Variants in GPR89B observed in about 807,000 individuals in gnomAD.
GPR89B encodes golgi pH regulator B.
In GPR89B, 25 loss-of-function variants were observed where a neutral mutation model predicts 52.4. The ratio of observed to expected loss-of-function variants is 0.48; its 90% CI spans 0.35 to 0.67. The LOEUF (loss-of-function observed/expected upper bound fraction) is 0.67. Among genes scored for constraint, GPR89B ranks in the 30% least tolerant of loss-of-function variants. The probability of loss-of-function intolerance (pLI) is 0.01; values close to 1 mark genes in which losing one functional copy is unlikely to be tolerated. For missense variants in GPR89B, 146 were observed against 450.2 expected, an observed-to-expected ratio of 0.32 and a Z score of 6.11; for synonymous variants, 52 against 151.2, an observed-to-expected ratio of 0.34 and a Z score of 4.81.
intron 12 of GPR89B, among the ~76,000 whole-genome samples, chr1:147,990,867 T>C (rs1299838911): frequency 6.6e-6 from 1 of 151,556 alleles, no homozygotes; most frequent in Non-Finnish European, 1.5e-5. Context: ...TAGTATAGCT[T>C]GAAGTCAGGT....
intron 10 of GPR89B, among the ~76,000 whole-genome samples, chr1:147,970,491 ATCTCTCTCTCTCTCTCTC>A (rs1174595676): frequency 5.7e-5 from 6 of 105,740 alleles, no homozygotes; most frequent in Non-Finnish European, 1.2e-4. Context: ...GTGAGACTCC[ATCTCTCTCTCTCTCTCTC>A]TCTCTCTCTC....
At position 147,968,893 on chromosome 1, in the gene GPR89B, A is replaced by C; in HGVS notation, c.746A>C (p.Gln249Pro). 6.2e-7 allele frequency: 1 copy of C among 1,611,708 alleles called. No homozygotes were observed. The highest frequency in any genetic ancestry group is 1.1e-5 in the South Asian group (1 of 90,982). Residue 249 changes from glutamine (Q) to proline (P), a missense_variant, in exon 9 of 14, where the codon CAG (glutamine) becomes CCG (proline). Gln to Pro is a moderately conservative substitution (Grantham distance 76). Transcript: ENST00000314163. Reference sequence around the variant, plus strand: ...GTGCCAGATCTTACTCTTATTCAACAGGAAGTGGATGCTTTGGAAGAATTA... The same window carrying C: ...GTGCCAGATCTTACTCTTATTCAACCGGAAGTGGATGCTTTGGAAGAATTA... Reference protein sequence around the residue: ...SGSENLTLIQQEVDALEELSR... With the variant: ...SGSENLTLIQPEVDALEELSR...
At chr1:147,986,378 A>G in intron 11 of GPR89B, 84 bp downstream of exon 11, 7 of 1,561,122 alleles carry the variant, frequency 4.5e-6, no homozygotes, top group Non-Finnish European at 6.1e-6. Context: ...TAATTTGTAT[A>G]CTTTAGGTAC....
At chr1:147,980,950 ATTCTGGATGTTTCATATAAAT>A (rs1658202773) in intron 10 of GPR89B, among the ~76,000 whole-genome samples, 1 of 147,370 alleles carries the variant, frequency 6.8e-6, no homozygotes, top group Non-Finnish European at 1.5e-5. Flanking sequence ...AGATTTCCCT[ATTCTGGATGTTTCATATAAAT>A]GGAATCACAT....
chr1:148,019,170 T>C, the GPR89B span, among the ~76,000 whole-genome samples: 1 of 150,182 alleles, frequency 6.7e-6, no homozygotes, highest in Non-Finnish European at 1.5e-5. Context: ...AGAGATGGGG[T>C]TTCACCATAT....
rs1334672318 is a variant in GPR89B, at chr1:147,982,753, A to G, written c.910-3446A>G. The stretch of plus-strand genomic sequence containing the variant: ...TACCTTGGGCAGTATGGCCATTTTC[A>G]TGATATTGATTCTTCCTACCATGAG... On this transcript the variant is annotated intron_variant, in intron 10 of 13. Transcript: ENST00000314163. Among the ~76,000 whole-genome samples the G allele has an allele frequency of 3.4e-5, 5 of 146,814 alleles. No homozygotes were observed. The East Asian group carries it at 1.0e-3, about 29-fold the overall frequency.
the GPR89B span, chr1:148,005,454 A>G: frequency 1.2e-6 from 2 of 1,604,228 alleles, no homozygotes; most frequent in Non-Finnish European, 1.7e-6. Flanking sequence ...CCAGAACTCC[A>G]GCTCTCATAG....
At chr1:147,937,506 A>G (rs2149037737) in intron 2 of GPR89B, among the ~76,000 whole-genome samples, 1 of 152,296 alleles carries the variant, frequency 6.6e-6, no homozygotes, top group South Asian at 2.1e-4. Context: ...GTAGGAGACC[A>G]GGGTGTATTT....
Position 147,989,279 on chromosome 1 carries a change from C to T in GPR89B, c.1095+758C>T, listed in dbSNP as rs1658885844. On this transcript the variant is annotated intron_variant, in intron 12 of 13. Coordinates refer to ENST00000314163, the MANE Select transcript of GPR89B (RefSeq NM_016334.5). ...AGCAGCTTTAAGCAAAACTATATAC[C>T]AAGTCCTCAAAAAAATGTTTCATTC... 2.6e-5 allele frequency among the ~76,000 whole-genome samples: 4 copies of T among 151,822 alleles called. No homozygotes were observed. In the South Asian group the frequency reaches 8.3e-4, roughly 32 times the overall value.
chr1:147,934,033 A>G (rs1445826026), intron 1 of GPR89B, among the ~76,000 whole-genome samples: 2 of 150,738 alleles, frequency 1.3e-5, no homozygotes, highest in Admixed American at 6.6e-5. Context: ...TTTGAATTTC[A>G]TCTTCTAGCA....
chr1:147,954,965 A>G (rs1656006909), intron 7 of GPR89B, among the ~76,000 whole-genome samples: 1 of 152,018 alleles, frequency 6.6e-6, no homozygotes, highest in South Asian at 2.1e-4. Flanking sequence ...ATTATTTATT[A>G]CATTCATCAT....
intron 3 of GPR89B, 129 bp from the exon 4 acceptor site, chr1:147,943,309 T>C: frequency 7.7e-6 from 11 of 1,425,044 alleles, no homozygotes; most frequent in Non-Finnish European, 1.0e-5. Flanking sequence ...TTTAAGAGCC[T>C]AGTAGGCTGA....
chr1:148,022,163 G>C, the GPR89B span, among the ~76,000 whole-genome samples: 1 of 151,834 alleles, frequency 6.6e-6, no homozygotes, highest in South Asian at 2.1e-4. Flanking sequence ...ATTTTTTACA[G>C]TTCCCGTAAG....
At chr1:147,997,549 G>C (rs1468348360), downstream of GPR89B, among the ~76,000 whole-genome samples, 2 of 152,036 alleles carry the variant, frequency 1.3e-5, no homozygotes, top group African/African-American at 4.8e-5. Context: ...CAGTAATGTG[G>C]CTCAGTCAGA....
the GPR89B span, among the ~76,000 whole-genome samples, chr1:147,998,984 G>A: frequency 6.6e-6 from 1 of 151,564 alleles, no homozygotes; most frequent in African/African-American, 2.4e-5. Context: ...TTTACTCACT[G>A]ATGTATCTCA....
chr1:147,935,733 ATTTATT>A (rs1553247758), intron 1 of GPR89B, among the ~76,000 whole-genome samples: 8 of 152,026 alleles, frequency 5.3e-5, no homozygotes, highest in Non-Finnish European at 1.2e-4. Context: ...TTTTAAATTA[ATTTATT>A]TTTATTTATT....
intron 10 of GPR89B, among the ~76,000 whole-genome samples, chr1:147,979,668 A>G (rs1242266592): frequency 6.6e-6 from 1 of 152,018 alleles, no homozygotes; most frequent in African/African-American, 2.4e-5. Context: ...AGTCTGCTAT[A>G]GTTGATTATA....
At chr1:148,005,838 C>G in the GPR89B span, among the ~76,000 whole-genome samples, 1 of 152,060 alleles carries the variant, frequency 6.6e-6, no homozygotes, top group South Asian at 2.1e-4. Flanking sequence ...CAAGACCATG[C>G]TTCTGTTCGT....
At chr1:148,002,739 T>C in the GPR89B span, among the ~76,000 whole-genome samples, 1 of 152,178 alleles carries the variant, frequency 6.6e-6, no homozygotes, top group Non-Finnish European at 1.5e-5. Flanking sequence ...TTGTCACTTC[T>C]CTCCAACCTA....
Sources: gnomAD v4.1 joint callset for allele counts (sites outside exome capture counted in the v4.1 genomes callset) on GRCh38, gnomAD v4.1.1 for gene constraint, MANE v1.5 for transcripts, NCBI Gene and HGNC (gene_info 2026-07-23, HGNC 2026-07-21) for gene names.